GRIP1: variants seen among roughly 807,000 people sequenced by gnomAD.
The protein encoded by GRIP1 is glutamate receptor interacting protein 1.
GRIP1 carries 45 observed loss-of-function variants against 129.9 expected under a neutral mutation model. That is an observed-to-expected ratio of 0.35 (90% confidence interval 0.27 to 0.44). GRIP1 has a LOEUF of 0.44. Among genes scored for constraint, GRIP1 ranks in the 20% least tolerant of loss-of-function variants. GRIP1 has a pLI of 1.00. For missense variants in GRIP1, 1,196 were observed against 1,396.8 expected (o/e 0.86, Z 2.29); for synonymous variants, 530 against 520.8 (o/e 1.02, Z -0.24).
rs547352236 is a variant in GRIP1, at chr12:66,578,232, G to GTTTT, written c.136+18611_136+18614dup. On this transcript the variant is annotated intron_variant, in intron 2 of 24. Coordinates refer to ENST00000359742, the MANE Select transcript of GRIP1 (RefSeq NM_001366722.1). ...GCCTGACTAATATGGCAAAACCGCG[G>GTTTT]TTTTTTTTTTTTTTTTTGTAAAAAT... Among the ~76,000 whole-genome samples, 22 of 102,512 alleles carry GTTTT rather than the reference G, an allele frequency of 2.1e-4. 1 individual carries two copies. The highest frequency in any genetic ancestry group is 5.5e-4 in the African/African-American group (15 of 27,406). The allele number at this position is 102,512 out of a possible 152,430, so 67.3% of individuals were successfully genotyped here.
intron 1 of GRIP1, among the ~76,000 whole-genome samples, chr12:67,017,095 T>C (rs1031063410): frequency 4.6e-5 from 7 of 152,226 alleles, no homozygotes; most frequent in African/African-American, 1.7e-4. Flanking sequence ...ATGAATCTGC[T>C]TTCTAGGAAT....
At chr12:67,055,269 G>C (rs1468932495) in intron 1 of GRIP1, among the ~76,000 whole-genome samples, 1 of 152,208 alleles carries the variant, frequency 6.6e-6, no homozygotes, top group African/African-American at 2.4e-5. Context: ...GCTGGAGAGA[G>C]GGGAGAGTAT....
rs540267369 is a variant in GRIP1 at position 66,847,656 on chromosome 12, G to A, written c.58+221394C>T. Among the ~76,000 whole-genome samples the A allele has an allele frequency of 2.0e-5, 3 of 152,192 alleles. No homozygotes were observed. The East Asian group carries it at 5.8e-4, about 29-fold the overall frequency. On this transcript the variant is annotated intron_variant, in intron 1 of 1. Coordinates refer to the GRIP1 transcript ENST00000643019. ...CAGGTAGACATGTTAAAATTTGATTGAGTCTTATAATAAAAATTTTCTGTT... is the reference window on the plus strand; with the variant it reads ...CAGGTAGACATGTTAAAATTTGATTAAGTCTTATAATAAAAATTTTCTGTT...
At chr12:66,494,260 G>C (rs1236192358) in intron 7 of GRIP1, among the ~76,000 whole-genome samples, 3 of 152,064 alleles carry the variant, frequency 2.0e-5, no homozygotes, top group Non-Finnish European at 4.4e-5. Context: ...TAAATAATAA[G>C]ATTCTACTTT....
At chr12:66,660,116 C>T (rs2033408083) in intron 1 of GRIP1, among the ~76,000 whole-genome samples, 1 of 152,126 alleles carries the variant, frequency 6.6e-6, no homozygotes, top group Non-Finnish European at 1.5e-5. Context: ...GGCCTCAGCC[C>T]AACTATTCTC....
chr12:66,424,403 T>TA (rs1434589131), intron 14 of GRIP1, among the ~76,000 whole-genome samples: 1 of 152,192 alleles, frequency 6.6e-6, no homozygotes, highest in Non-Finnish European at 1.5e-5. Context: ...CCCAGATGCT[T>TA]TCAATTCTTT....
At chr12:66,742,330 G>A (rs529909866) in intron 1 of GRIP1, among the ~76,000 whole-genome samples, 3 of 152,244 alleles carry the variant, frequency 2.0e-5, no homozygotes, top group South Asian at 2.1e-4. Context: ...TTAGGAAAAC[G>A]GAGAGAAACT....
intron 2 of GRIP1, among the ~76,000 whole-genome samples, chr12:66,575,614 G>T (rs1468713144): frequency 6.6e-6 from 1 of 152,184 alleles, no homozygotes; most frequent in Non-Finnish European, 1.5e-5. Context: ...ATAGATCCTG[G>T]ATAGGCTTTA....
intron 2 of GRIP1, chr12:66,569,207 G>A (rs559487032): frequency 2.9e-5 from 6 of 204,296 alleles, no homozygotes; most frequent in African/African-American, 7.1e-5. Flanking sequence ...TCTCTGGAGC[G>A]GTGGCTCACG....
intron 15 of GRIP1, among the ~76,000 whole-genome samples, chr12:66,417,833 G>C (rs1254551118): frequency 2.6e-5 from 4 of 151,854 alleles, no homozygotes; most frequent in African/African-American, 9.7e-5. Flanking sequence ...AAACTAGAAG[G>C]ATCAATATTG....
intron 19 of GRIP1, among the ~76,000 whole-genome samples, chr12:66,386,574 C>T (rs889737625): frequency 7.2e-5 from 11 of 152,218 alleles, no homozygotes; most frequent in African/African-American, 2.6e-4. Context: ...GCGGAGCTTA[C>T]AGTGAGCTGA....
At chr12:66,520,042 C>G (rs1409101909) in intron 5 of GRIP1, among the ~76,000 whole-genome samples, 1 of 152,180 alleles carries the variant, frequency 6.6e-6, no homozygotes, top group African/African-American at 2.4e-5. Flanking sequence ...TGACTTATAG[C>G]ATTAGAAATA....
chr12:67,057,347 C>A (rs2135873642), intron 1 of GRIP1, among the ~76,000 whole-genome samples: 1 of 150,330 alleles, frequency 6.7e-6, no homozygotes, highest in Middle Eastern at 3.4e-3. Flanking sequence ...CATGTGAGCA[C>A]ACAGCAAGAA....
intron 1 of GRIP1, among the ~76,000 whole-genome samples, chr12:66,901,431 T>C (rs2040842376): frequency 6.6e-6 from 1 of 152,362 alleles, no homozygotes; most frequent in East Asian, 1.9e-4. Context: ...AGGCCCTCCA[T>C]ATTTCACTCA....
At chr12:66,372,639 T>C (rs2055574497) in intron 22 of GRIP1, among the ~76,000 whole-genome samples, 1 of 152,224 alleles carries the variant, frequency 6.6e-6, no homozygotes, top group Non-Finnish European at 1.5e-5. Flanking sequence ...CAGTAGGACT[T>C]GAATTGGATG....
chr12:66,397,920 C>G (rs956309467), intron 16 of GRIP1, among the ~76,000 whole-genome samples: 5 of 152,184 alleles, frequency 3.3e-5, no homozygotes, highest in African/African-American at 1.2e-4. Context: ...CCTTAGAAAG[C>G]CCTATGTGGA....
At chr12:66,874,937 A>G (rs12817646) in intron 1 of GRIP1, among the ~76,000 whole-genome samples, 33,651 of 151,952 alleles carry the variant, frequency 0.22, 4,358 homozygotes, top group East Asian at 0.29. Flanking sequence ...GCCTTTGTAC[A>G]TTCTAAGATA....
intron 7 of GRIP1, among the ~76,000 whole-genome samples, chr12:66,476,574 A>C (rs2059620466): frequency 1.3e-5 from 2 of 152,216 alleles, no homozygotes; most frequent in Admixed American, 1.3e-4. Context: ...GACACAACAA[A>C]AAAAGAGAAT....
At chr12:66,963,331 AAAT>A (rs1319125772) in intron 1 of GRIP1, among the ~76,000 whole-genome samples, 51 of 152,150 alleles carry the variant, frequency 3.4e-4, no homozygotes, top group South Asian at 2.1e-4. Flanking sequence ...AAATAAATAA[AAAT>A]AATGAAAGTT....
Sources: gnomAD v4.1 joint callset for allele counts (sites outside exome capture counted in the v4.1 genomes callset) on GRCh38, gnomAD v4.1.1 for gene constraint, MANE v1.5 for transcripts, NCBI Gene and HGNC (gene_info 2026-07-23, HGNC 2026-07-21) for gene names.